Variants in TTC34 observed in about 807,000 individuals in gnomAD.
TTC34 encodes the protein tetratricopeptide repeat protein 34.
A neutral mutation model predicts 40.7 loss-of-function variants in TTC34; 44 were observed. The observed-to-expected ratio is 1.08, with a 90% CI of 0.85 to 1.39. TTC34 has a LOEUF of 1.39. Among genes scored for constraint, TTC34 ranks in the 40% most tolerant of loss-of-function variants. The pLI, the probability that TTC34 is intolerant of heterozygous loss-of-function variation, is 0.00. For missense variants in TTC34, 884 were observed against 838.0 expected (o/e 1.05, Z -0.68); for synonymous variants, 422 against 398.6 (o/e 1.06, Z -0.70).
At position 2,752,576 on chromosome 1, in the gene TTC34, C is replaced by A. The variant is rs1394363918; in HGVS notation, c.2226+31033G>T. 9.5e-5 allele frequency among the ~76,000 whole-genome samples: 6 copies of A among 62,906 alleles called. 1 individual carries two copies. Among genetic ancestry groups the A allele is most frequent in the African/African-American group, 1.6e-4 (2 of 12,408 alleles). The allele number at this position is 62,906 out of a possible 152,430, so 41.3% of individuals were successfully genotyped here. On this transcript the variant is annotated intron_variant, in intron 6 of 8. Coordinates refer to ENST00000401095, the Ensembl canonical transcript of TTC34. ...AGCCTGGAACAGCACCTTGCACCCC[C>A]AGGTGAGAATCTGACAACCTGGAAC...
At chr1:2,777,688 TG>T (rs70956335) in intron 6 of TTC34, among the ~76,000 whole-genome samples, 14,342 of 120,670 alleles carry the variant, frequency 0.12, 1,115 homozygotes, top group South Asian at 0.13. Flanking sequence ...GCAGAGGGCA[TG>T]GGGGGGGGGG....
chr1:2,687,817 G>C (rs542058498), intron 6 of TTC34, among the ~76,000 whole-genome samples: 71 of 151,084 alleles, frequency 4.7e-4, no homozygotes, highest in Admixed American at 4.7e-3. Context: ...CTCCAGGTGA[G>C]CATCTGATGG....
intron 6 of TTC34, among the ~76,000 whole-genome samples, chr1:2,698,481 C>T (rs561133053): frequency 1.5e-5 from 2 of 129,124 alleles, no homozygotes; most frequent in Non-Finnish European, 3.4e-5. Flanking sequence ...GGATCAGCAC[C>T]CACACTCCCA....
chr1:2,646,757 A>G (rs1639027689), intron 6 of TTC34, among the ~76,000 whole-genome samples: 2 of 152,226 alleles, frequency 1.3e-5, no homozygotes, highest in Admixed American at 1.3e-4. Flanking sequence ...GTATTTGCAG[A>G]TGCTTTTCAT....
chr1:2,643,005 C>T (rs957546453), intron 8 of TTC34, among the ~76,000 whole-genome samples: 3 of 152,210 alleles, frequency 2.0e-5, no homozygotes, highest in Non-Finnish European at 4.4e-5. Context: ...CTGACCCCGA[C>T]CCGTAGTTCA....
chr1:2,752,294 C>G (rs1204715068), intron 6 of TTC34, among the ~76,000 whole-genome samples: 32 of 33,214 alleles, frequency 9.6e-4, no homozygotes, highest in East Asian at 1.9e-3. Context: ...CTTGCACCCC[C>G]AGGGGAGCAT....
intron 5 of TTC34, among the ~76,000 whole-genome samples, chr1:2,785,014 C>T (rs895763244): frequency 6.6e-6 from 1 of 152,178 alleles, no homozygotes; most frequent in Non-Finnish European, 1.5e-5. Context: ...CTGGGCCGCT[C>T]TGGGCTGCAT....
intron 2 of TTC34, among the ~76,000 whole-genome samples, chr1:2,792,067 A>G (rs1188072917): frequency 2.6e-5 from 3 of 116,056 alleles, no homozygotes; most frequent in Non-Finnish European, 4.8e-5. Context: ...CCCAGGCTGG[A>G]GTGCAGTGGT....
intron 6 of TTC34, among the ~76,000 whole-genome samples, chr1:2,685,384 G>A (rs532477045): frequency 7.0e-6 from 1 of 143,592 alleles, no homozygotes; most frequent in Non-Finnish European, 1.5e-5. Flanking sequence ...TGATGTTCTG[G>A]AGCATCACCC....
chr1:2,753,382 G>T (rs1240774974), intron 6 of TTC34, among the ~76,000 whole-genome samples: 1 of 129,662 alleles, frequency 7.7e-6, no homozygotes, highest in African/African-American at 3.2e-5. Context: ...ACACCCCCAG[G>T]CGAGCATCTG....
chr1:2,640,179 G>C (rs1475395364), exon 9 of TTC34: 1 of 152,368 alleles, frequency 6.6e-6, no homozygotes, highest in Non-Finnish European at 1.5e-5. Context: ...CCAGGGTGAA[G>C]TCAGGCAGGG....
chr1:2,759,461 T>A (rs1378265641), intron 6 of TTC34, among the ~76,000 whole-genome samples: 1 of 115,230 alleles, frequency 8.7e-6, no homozygotes, highest in Non-Finnish European at 1.7e-5. Flanking sequence ...TCTGACAGCC[T>A]GGAGCAGCAC....
intron 6 of TTC34, among the ~76,000 whole-genome samples, chr1:2,764,194 A>C (rs1641723210): frequency 6.7e-6 from 1 of 149,984 alleles, no homozygotes; most frequent in Non-Finnish European, 1.5e-5. Context: ...CCAGGTGAGC[A>C]TCTGACAGTC....
intron 6 of TTC34, among the ~76,000 whole-genome samples, chr1:2,660,107 A>ACG (rs1639487158): frequency 5.0e-4 from 64 of 128,326 alleles, no homozygotes; most frequent in Middle Eastern, 7.5e-3. Flanking sequence ...CAGAACCCAC[A>ACG]CCAACAGGCG....
exon 9 of TTC34, chr1:2,638,053 ATTTT>A (rs1034228318): frequency 6.6e-6 from 1 of 151,658 alleles, no homozygotes; most frequent in African/African-American, 2.4e-5. Context: ...GCCTTTATTT[ATTTT>A]TTTTGTTCTG....
intron 6 of TTC34, among the ~76,000 whole-genome samples, chr1:2,682,061 C>A: frequency 7.3e-6 from 1 of 137,048 alleles, no homozygotes; most frequent in Non-Finnish European, 1.6e-5. Flanking sequence ...GAGCAGCACC[C>A]CACACCCACA....
chr1:2,652,928 C>T (rs1345033965), intron 6 of TTC34, among the ~76,000 whole-genome samples: 2 of 151,934 alleles, frequency 1.3e-5, no homozygotes, highest in South Asian at 4.1e-4. Flanking sequence ...CGCCCACACC[C>T]CCAGGCGAGC....
chr1:2,695,743 A>G (rs1408071650), intron 6 of TTC34, among the ~76,000 whole-genome samples: 43 of 142,768 alleles, frequency 3.0e-4, no homozygotes, highest in South Asian at 6.7e-4. Context: ...AAATCCTGGA[A>G]CAGCACCCAC....
Position 2,641,795 on chromosome 1 carries a change from C to G in TTC34, c.2813G>C (p.Cys938Ser), listed in dbSNP as rs774561401. The G allele has an allele frequency of 1.3e-6, 2 of 1,534,994 alleles. No homozygotes were observed. Among genetic ancestry groups the G allele is most frequent in the African/African-American group, 1.4e-5 (1 of 73,042 alleles). ...GCAGGTGGCCCGCAGACGCAGGTGA[C>G]AGGCACTGCTGCCACTGGCCAGGAC... The change falls in exon 9 of 9, where the codon TGT becomes TCT. Residue 938 changes from cysteine (C) to serine (S), a missense_variant. By Grantham distance (112) the Cys-to-Ser change is moderately radical (BLOSUM62 -1). Transcript: ENST00000401095.
Sources: gnomAD v4.1 joint callset for allele counts (sites outside exome capture counted in the v4.1 genomes callset) on GRCh38, gnomAD v4.1.1 for gene constraint, MANE v1.5 for transcripts, NCBI Gene and HGNC (gene_info 2026-07-23, HGNC 2026-07-21) for gene names.